MYH7: variants seen among roughly 807,000 people sequenced by gnomAD.
MYH7 encodes myosin heavy chain 7.
A neutral mutation model predicts 225.4 loss-of-function variants in MYH7; 129 were observed. The observed-to-expected ratio is 0.57, with a 90% CI of 0.50 to 0.66. The LOEUF (loss-of-function observed/expected upper bound fraction) is 0.66, where lower values mean the gene tolerates loss of function less well. MYH7 is among the 30% of genes least tolerant of loss of function. The pLI, the probability that MYH7 is intolerant of heterozygous loss-of-function variation, is 0.00. For synonymous variants in MYH7, 971 were observed against 1,007.6 expected, an observed-to-expected ratio of 0.96 and a Z score of 0.69; for missense variants, 1,649 against 2,517.0, an observed-to-expected ratio of 0.66 and a Z score of 7.38.
Position 23,417,308 on chromosome 14 carries a change from T to C in MYH7, c.4364A>G (p.Glu1455Gly), listed in dbSNP as rs771377530. Residue 1455 changes from glutamate (E) to glycine (G), a missense_variant, in exon 32 of 40, where the codon GAG becomes GGG. Transcript: ENST00000355349. ...KQRNFDKILA[E>G]WKQKYEESQS... ...CGACTCCTCATACTTCTGCTTCCAC[T>C]CGGCCAGGATCTGCCCGGGGACAAG... 2.5e-6 allele frequency: 4 copies of C among 1,613,880 alleles called. No individual in the cohort carries two copies. Among genetic ancestry groups the C allele is most frequent in the Admixed American group, 3.3e-5 (2 of 60,028 alleles).
At position 23,414,088 on chromosome 14, in the gene MYH7, C is replaced by T. The variant is rs529784690; in HGVS notation, c.5574G>A (p.Arg1858=). ...KELTYQTEED[R]KNLLRLQDLV... The stretch of plus-strand genomic sequence containing the variant: ...GGTCCTGCAGCCGCAGCAGGTTTTT[C>T]CTGTCCTCCTCCGTCTGGGGGCCAG... Residue 1858 remains arginine, a synonymous_variant, in exon 38 of 40, where the codon AGG becomes AGA. Transcript: ENST00000355349. 5 of 1,613,164 alleles carry T rather than the reference C, an allele frequency of 3.1e-6. No individual in the cohort carries two copies. In the African/African-American group the frequency reaches 4.0e-5, roughly 13 times the overall value.
intron 6 of MYH7, 110 bp downstream of exon 6, chr14:23,432,369 G>A: frequency 1.4e-6 from 2 of 1,380,740 alleles, no homozygotes; most frequent in Non-Finnish European, 2.1e-6. Context: ...TGGGCACGAG[G>A]TTGGGGGGAA....
chr14:23,414,733 G>A (rs914910761), intron 37 of MYH7, among the ~76,000 whole-genome samples: 10 of 152,088 alleles, frequency 6.6e-5, no homozygotes, highest in African/African-American at 2.4e-4. Context: ...TACTGGGTGA[G>A]CTTTGTCTGG....
At chr14:23,414,240 A>G in intron 37 of MYH7, 138 bp from the exon 38 acceptor site, 1 of 709,716 alleles carries the variant, frequency 1.4e-6, no homozygotes, top group Non-Finnish European at 2.4e-6. Context: ...AATTCTCCTT[A>G]TAATTTCTTA....
rs772691929 is a variant in MYH7 at position 23,432,698 on chromosome 14, C to A, written c.443G>T (p.Ser148Ile). The A allele has an allele frequency of 6.2e-7, 1 of 1,614,122 alleles. No individual in the cohort carries two copies. Among genetic ancestry groups the A allele is most frequent in the South Asian group, 1.1e-5 (1 of 91,082 alleles). The change falls in exon 5 of 40, where the codon AGC (serine) becomes ATC (isoleucine). Residue 148 changes from serine (S) to isoleucine (I), a missense_variant. Physicochemically the swap from Ser to Ile is moderately radical, Grantham distance 142. Coordinates refer to ENST00000355349, the MANE Select transcript of MYH7 (RefSeq NM_000257.4). The stretch of plus-strand genomic sequence containing the variant: ...GGAGAAGATGTGGGGCGGGGCCTCG[C>A]TCCTCTTCTTGCCCCGGTAGGCAGC... The part of the protein sequence containing the change: ...VVAAYRGKKR[S>I]EAPPHIFSIS...
Position 23,427,705 on chromosome 14 carries a change from T to A in MYH7, c.1768A>T (p.Ile590Phe). 6.2e-7 allele frequency: 1 copy of A among 1,614,158 alleles called. No homozygotes were observed. Among genetic ancestry groups the A allele is most frequent in the East Asian group, 2.2e-5 (1 of 44,884 alleles). Residue 590 changes from isoleucine to phenylalanine, a missense_variant, in exon 16 of 40, where the codon ATC becomes TTC. By Grantham distance (21) the Ile-to-Phe change is conservative. Transcript: ENST00000355349. ...IHYAGIVDYN[I>F]IGWLQKNKDP... ...TTGTTCTTCTGCAGCCAGCCAATGA[T>A]GTTGTAGTCCACGATGCCGGCATAG...
chr14:23,425,467 A>C lies in MYH7; in HGVS notation c.2287-49T>G. The C allele has an allele frequency of 1.2e-6, 2 of 1,613,540 alleles. No homozygotes were observed. The highest frequency in any genetic ancestry group is 1.7e-6 in the Non-Finnish European group (2 of 1,179,932). On this transcript the variant is annotated intron_variant, in intron 20 of 39. Transcript: ENST00000355349. The surrounding 1 kb of genome is among the most constrained non-coding windows in gnomAD (Gnocchi z 4.6). ...CATGACTAGGGAGGGGTACGAGGGAAAGAGATGGTGGGGATTACCTTAGGA... is the reference window on the plus strand; with the variant it reads ...CATGACTAGGGAGGGGTACGAGGGACAGAGATGGTGGGGATTACCTTAGGA...
intron 29 of MYH7, 62 bp downstream of exon 29, chr14:23,419,115 T>C (rs28730782): frequency 8.0e-7 from 1 of 1,243,696 alleles, no homozygotes; most frequent in Non-Finnish European, 1.1e-6. Flanking sequence ...GGGAAGTGAT[T>C]TGATGCAAGG....
At chr14:23,430,515 C>T (rs369129057) in intron 11 of MYH7, 45 bp downstream of exon 11, 25 of 1,503,604 alleles carry the variant, frequency 1.7e-5, no homozygotes, top group African/African-American at 1.4e-4. Flanking sequence ...GTTTGCCCCT[C>T]ACTGCCAATC....
rs201860580 is a variant in MYH7, at chr14:23,427,718, G to A, written c.1755C>T (p.Ile585=). The change falls in exon 16 of 40, where the codon ATC becomes ATT. Residue 585 remains isoleucine (I), a synonymous_variant. Coordinates refer to ENST00000355349, the MANE Select transcript of MYH7 (RefSeq NM_000257.4). ...GCCAGCCAATGATGTTGTAGTCCAC[G>A]ATGCCGGCATAGTGGATCAGGGAGA... ...AHFSLIHYAG[I]VDYNIIGWLQ... 1.8e-5 allele frequency: 29 copies of A among 1,614,074 alleles called. 1 individual carries two copies. In the Middle Eastern group the frequency reaches 4.9e-4, roughly 27 times the overall value.
At chr14:23,426,130 G>A in intron 18 of MYH7, 49 bp from the exon 19 acceptor site, 1 of 1,599,418 alleles carries the variant, frequency 6.3e-7, no homozygotes, top group Non-Finnish European at 8.6e-7. Context: ...CTGGACTGAA[G>A]TTCTGGGTTC....
rs375283149 is a variant in MYH7, at chr14:23,419,973, C to T, written c.3598G>A (p.Val1200Met). ...AALRKKHADS[V>M]AELGEQIDNL... ...TCGATCTGCTCGCCCAGCTCGGCCA[C>T]GCTGTCGGCGTGCTTCTTGCGCAGG... Residue 1200 changes from valine to methionine, a missense_variant, in exon 27 of 40, where the codon GTG (valine) becomes ATG (methionine). Around this residue, in one of 12 missense-constraint regions of MYH7, gnomAD observed 106 missense variants for 198.8 expected, o/e 0.53. Coordinates refer to ENST00000355349, the MANE Select transcript of MYH7 (RefSeq NM_000257.4). 17 of 1,605,676 alleles carry T rather than the reference C, an allele frequency of 1.1e-5. No homozygotes were observed. Among genetic ancestry groups the T allele is most frequent in the Middle Eastern group, 2.1e-4 (1 of 4,848 alleles).
chr14:23,431,805 C>T lies in MYH7; in HGVS notation c.595G>A (p.Ala199Thr), dbSNP rs730880845. 1 of 1,614,274 alleles carries T rather than the reference C, an allele frequency of 6.2e-7. No homozygotes were observed. Among genetic ancestry groups the T allele is most frequent in the Non-Finnish European group, 8.5e-7 (1 of 1,180,048 alleles). ...TTCTTGCTGCGGTCCCCAATGGCTG[C>T]AATAACAGCAAAGTACTGGATGACC... Reference protein sequence around the residue: ...KRVIQYFAVIAAIGDRSKKDQ... With the variant: ...KRVIQYFAVITAIGDRSKKDQ... The change falls in exon 7 of 40, where the codon GCA becomes ACA. Residue 199 changes from alanine (A) to threonine (T), a missense_variant. By Grantham distance (58) the Ala-to-Thr change is moderately conservative. This residue lies in a region of MYH7 where 131 missense variants were observed against 231.3 expected (regional missense o/e 0.57). Coordinates refer to ENST00000355349, the MANE Select transcript of MYH7 (RefSeq NM_000257.4).
At position 23,423,894 on chromosome 14, in the gene MYH7, G is replaced by GAGCT; in HGVS notation, c.2922+9_2922+12dup. The stretch of plus-strand genomic sequence containing the variant: ...ATGAGACCCGGGCTGGAGCCAAAGG[G>GAGCT]AGCTGCCCTTACCTTGTTCTCTGTT... On this transcript the variant is annotated intron_variant, in intron 23 of 39. Coordinates refer to ENST00000355349, the MANE Select transcript of MYH7 (RefSeq NM_000257.4). The GAGCT allele has an allele frequency of 6.2e-7, 1 of 1,613,896 alleles. No individual in the cohort carries two copies. The highest frequency in any genetic ancestry group is 8.5e-7 in the Non-Finnish European group (1 of 1,180,028).
chr14:23,423,865 C>T, intron 23 of MYH7, 42 bp downstream of exon 23: 1 of 1,613,688 alleles, frequency 6.2e-7, no homozygotes, highest in Non-Finnish European at 8.5e-7. Flanking sequence ...GTCTGAGAGT[C>T]CTGATGAGAC....
At chr14:23,435,004 A>C (rs867905720) in intron 1 of MYH7, among the ~76,000 whole-genome samples, 7 of 151,084 alleles carry the variant, frequency 4.6e-5, no homozygotes, top group Middle Eastern at 3.4e-3. Flanking sequence ...GATGTGTGCC[A>C]CGTAAGTAGA....
Position 23,415,392 on chromosome 14 carries a change from C to A in MYH7, c.5272G>T (p.Ala1758Ser), listed in dbSNP as rs878853839. 2.5e-6 allele frequency: 4 copies of A among 1,614,090 alleles called. No homozygotes were observed. Among genetic ancestry groups the A allele is most frequent in the Non-Finnish European group, 8.5e-7 (1 of 1,180,054 alleles). The change falls in exon 36 of 40, where the codon GCC (alanine) becomes TCC (serine). Residue 1758 changes from alanine to serine, a missense_variant. Coordinates refer to ENST00000355349, the MANE Select transcript of MYH7 (RefSeq NM_000257.4). This position sits in a 1 kb window ranked among gnomAD's most constrained non-coding sequence, Gnocchi z 6.3. ...AGTGGGGGACTTACATCCGTGATGG[C>A]CTTCTTGGCCTTCTCCTCAGCATTC... is the stretch of plus-strand genomic sequence containing the variant. The part of the protein sequence containing the change: ...CRNAEEKAKK[A>S]ITDAAMMAEE...
At position 23,433,017 on chromosome 14, in the gene MYH7, G is replaced by T; in HGVS notation, c.345+67C>A. 6.2e-7 allele frequency: 1 copy of T among 1,608,350 alleles called. No homozygotes were observed. On this transcript the variant is annotated intron_variant, in intron 4 of 39. Coordinates refer to ENST00000355349, the MANE Select transcript of MYH7 (RefSeq NM_000257.4). The surrounding 1 kb of genome is among the most constrained non-coding windows in gnomAD (Gnocchi z 4.1). Reference sequence around the variant, plus strand: ...TAGACACAAACAGAAGACACTCTTGGCTCCTGGGGTGGACATGGATGGAGC... The same window carrying T: ...TAGACACAAACAGAAGACACTCTTGTCTCCTGGGGTGGACATGGATGGAGC...
chr14:23,425,856 A>G lies in MYH7; in HGVS notation c.2163-38T>C, dbSNP rs777359876. The G allele has an allele frequency of 1.2e-6, 2 of 1,613,568 alleles. No homozygotes were observed. The highest frequency in any genetic ancestry group is 1.7e-6 in the Non-Finnish European group (2 of 1,179,952). On this transcript the variant is annotated intron_variant, in intron 19 of 39. Coordinates refer to ENST00000355349, the MANE Select transcript of MYH7 (RefSeq NM_000257.4). The surrounding 1 kb of genome is among the most constrained non-coding windows in gnomAD (Gnocchi z 4.6). ...GTGTCCAGAGTCACCCATGCTCTGC[A>G]GTGATCTGCTCTGCCCATAGAATTC...
Sources: allele counts gnomAD v4.1 joint callset (sites outside exome capture counted in the v4.1 genomes callset), GRCh38; gene constraint gnomAD v4.1.1; regional missense constraint gnomAD v4.1.1; non-coding constraint Gnocchi (gnomAD v3.1); transcripts MANE v1.5; gene names NCBI Gene and HGNC (gene_info 2026-07-23, HGNC 2026-07-21).